The following LRP1B variants were observed in gnomAD, a reference collection of about 807,000 sequenced individuals.
LRP1B encodes low-density lipoprotein receptor-related protein 1B.
In LRP1B, 217 loss-of-function variants were observed where a neutral mutation model predicts 556.6. The ratio of observed to expected loss-of-function variants is 0.39; its 90% CI spans 0.35 to 0.44. LRP1B has a LOEUF of 0.44. Among genes scored for constraint, LRP1B ranks in the 20% least tolerant of loss-of-function variants. The pLI, the probability that LRP1B is intolerant of heterozygous loss-of-function variation, is 1.00. For synonymous variants in LRP1B, 2,047 were observed against 1,865.8 expected (o/e 1.10, Z -2.50); for missense variants, 5,053 against 5,620.8 (o/e 0.90, Z 3.23).
intron 7 of LRP1B, among the ~76,000 whole-genome samples, chr2:141,185,461 G>A (rs1248143253): frequency 1.3e-5 from 2 of 151,954 alleles, no homozygotes; most frequent in Non-Finnish European, 2.9e-5. Context: ...AGGAAATGTT[G>A]CTAAAAACTT....
intron 6 of LRP1B, among the ~76,000 whole-genome samples, chr2:141,213,290 G>T (rs969634014): frequency 1.3e-5 from 2 of 151,814 alleles, no homozygotes; most frequent in Non-Finnish European, 2.9e-5. Flanking sequence ...AAATATGAGC[G>T]ATACATACAT....
In LRP1B at chr2:140,769,269, T is replaced by C; in HGVS notation, c.5702A>G (p.Asp1901Gly). 6.2e-7 allele frequency: 1 copy of C among 1,612,382 alleles called. No individual in the cohort carries two copies. Among genetic ancestry groups the C allele is most frequent in the South Asian group, 1.1e-5 (1 of 91,036 alleles). Residue 1901 changes from aspartate to glycine, a missense_variant, in exon 35 of 91, where the codon GAT becomes GGT. Physicochemically the swap from Asp to Gly is moderately conservative, Grantham distance 94. This residue lies in a region of LRP1B where 3,619 missense variants were observed against 3,931.9 expected (regional missense o/e 0.92). Coordinates refer to ENST00000389484, the MANE Select transcript of LRP1B (RefSeq NM_018557.3). Reference protein sequence around the residue: ...GIPLEPSDKMDALMPISGTSF... With the variant: ...GIPLEPSDKMGALMPISGTSF... ...AGTTCCTGATATAGGCATCAAAGCATCCATTTTGTCACTTGGTTCAAGAGG... is the reference window on the plus strand; with the variant it reads ...AGTTCCTGATATAGGCATCAAAGCACCCATTTTGTCACTTGGTTCAAGAGG...
At chr2:140,293,399 TTG>T (rs1683474934) in intron 84 of LRP1B, among the ~76,000 whole-genome samples, 1 of 152,228 alleles carries the variant, frequency 6.6e-6, no homozygotes, top group Non-Finnish European at 1.5e-5. Context: ...TAAAGAATAC[TTG>T]ATTTTACTTT....
chr2:141,520,687 T>C (rs148020698), intron 2 of LRP1B, among the ~76,000 whole-genome samples: 34 of 152,262 alleles, frequency 2.2e-4, no homozygotes, highest in African/African-American at 7.9e-4. Flanking sequence ...AAAAGCTTTT[T>C]GCTCTCCTTG....
At chr2:141,670,230 T>C (rs1040157567) in intron 2 of LRP1B, among the ~76,000 whole-genome samples, 5 of 152,192 alleles carry the variant, frequency 3.3e-5, no homozygotes, top group Admixed American at 6.5e-5. Flanking sequence ...TTGAGGGCTT[T>C]AGTGTCTAAT....
intron 2 of LRP1B, among the ~76,000 whole-genome samples, chr2:141,630,825 A>G (rs882746): frequency 0.4 from 61,480 of 152,090 alleles, 14,829 homozygotes; most frequent in Non-Finnish European, 0.55. Flanking sequence ...AATTGTGCAT[A>G]TTGCATTATC....
intron 2 of LRP1B, among the ~76,000 whole-genome samples, chr2:141,702,540 A>G (rs186071704): frequency 6.6e-6 from 1 of 151,506 alleles, no homozygotes; most frequent in African/African-American, 2.4e-5. Flanking sequence ...GCCAGTTAAT[A>G]GACCTTTGGA....
intron 1 of LRP1B, among the ~76,000 whole-genome samples, chr2:141,838,760 A>G (rs559981856): frequency 5.9e-5 from 9 of 152,324 alleles, no homozygotes; most frequent in African/African-American, 2.2e-4. Context: ...TGTTCGCTGG[A>G]TTGAAAACTC....
rs914734017 is a variant in LRP1B at position 140,502,276 on chromosome 2, T to C, written c.8663-402A>G. On this transcript the variant is annotated intron_variant, in intron 54 of 90. Coordinates refer to ENST00000389484, the MANE Select transcript of LRP1B (RefSeq NM_018557.3). ...ACTAAGAATCTAGAATAGGTAGATA[T>C]TCCTAAATTCTTTTCTTCCTGGAAA... 1.6e-4 allele frequency among the ~76,000 whole-genome samples: 24 copies of C among 152,040 alleles called. 1 individual carries two copies. Among genetic ancestry groups the C allele is most frequent in the Admixed American group, 8.5e-4 (13 of 15,250 alleles).
chr2:141,937,664 AT>A (rs1700677314), intron 1 of LRP1B, among the ~76,000 whole-genome samples: 1 of 150,406 alleles, frequency 6.6e-6, no homozygotes, highest in African/African-American at 2.5e-5. Context: ...GTGCACCTAA[AT>A]TAAAAAAAAA....
chr2:141,216,855 G>A (rs1350344605), intron 6 of LRP1B, among the ~76,000 whole-genome samples: 1 of 151,996 alleles, frequency 6.6e-6, no homozygotes, highest in Non-Finnish European at 1.5e-5. Context: ...TCCATTATAG[G>A]TACAATGCAT....
intron 2 of LRP1B, among the ~76,000 whole-genome samples, chr2:141,546,627 C>G (rs1374490290): frequency 6.6e-6 from 1 of 152,162 alleles, no homozygotes; most frequent in East Asian, 1.9e-4. Context: ...ATATCATTTA[C>G]CAGACATATC....
At chr2:140,794,650 G>A (rs1034829698) in intron 32 of LRP1B, among the ~76,000 whole-genome samples, 6 of 149,676 alleles carry the variant, frequency 4.0e-5, no homozygotes, top group Non-Finnish European at 5.9e-5. Flanking sequence ...TTTCGCTCTT[G>A]TTGCCCAGGC....
In LRP1B at chr2:140,868,265, T is replaced by TAAAAAAAA; in HGVS notation, c.4170-10_4170-3dup. 7.7e-7 allele frequency: 1 copy of TAAAAAAAA among 1,296,092 alleles called. No homozygotes were observed. Among genetic ancestry groups the TAAAAAAAA allele is most frequent in the Non-Finnish European group, 1.0e-6 (1 of 991,628 alleles). 80.3% of individuals were successfully genotyped at this position (1,296,092 alleles called of 1,614,324 possible). A position where few individuals can be genotyped will look rare whatever the true frequency, so the allele number is the denominator to read the frequency against. ...TCCCAGTCTGTCCAGAAAAGAATTCTAAAAAAAAAAAAAAAAAAAGAAATA... is the reference window on the plus strand; with the variant it reads ...TCCCAGTCTGTCCAGAAAAGAATTCTAAAAAAAAAAAAAAAAAAAAAAAAAAAGAAATA... On this transcript the variant is annotated splice_polypyrimidine_tract_variant and splice_region_variant and intron_variant, in intron 25 of 90. Transcript: ENST00000389484.
rs142074969 is a variant in LRP1B at position 141,265,705 on chromosome 2, A to ATG, written c.344-11066_344-11065dup. ...TCAAAACAAAAAAGTAATGAGATAG[A>ATG]TGTGTGTGTGTGTGTACTCGATACA... On this transcript the variant is annotated intron_variant, in intron 3 of 90. Coordinates refer to ENST00000389484, the MANE Select transcript of LRP1B (RefSeq NM_018557.3). 3.5e-4 allele frequency among the ~76,000 whole-genome samples: 53 copies of ATG among 151,898 alleles called. No homozygotes were observed. The East Asian group carries it at 6.8e-3, about 19-fold the overall frequency.
chr2:141,367,114 G>C (rs1689068301), intron 3 of LRP1B, among the ~76,000 whole-genome samples: 2 of 152,082 alleles, frequency 1.3e-5, no homozygotes, highest in African/African-American at 4.8e-5. Context: ...CTTAGCCTTT[G>C]ATAAAATATA....
intron 55 of LRP1B, among the ~76,000 whole-genome samples, chr2:140,500,914 A>G (rs1689158673): frequency 6.6e-6 from 1 of 151,966 alleles, no homozygotes; most frequent in African/African-American, 2.4e-5. Flanking sequence ...GTTATGTCCT[A>G]TTGAAGATTC....
chr2:140,864,967 C>G (rs1692905575), intron 27 of LRP1B, among the ~76,000 whole-genome samples: 1 of 151,990 alleles, frequency 6.6e-6, no homozygotes, highest in African/African-American at 2.4e-5. Flanking sequence ...ATTAATAAAT[C>G]ATATGTTTAG....
chr2:142,121,048 T>C (rs1486392572), intron 1 of LRP1B, among the ~76,000 whole-genome samples: 1 of 152,144 alleles, frequency 6.6e-6, no homozygotes, highest in East Asian at 1.9e-4. Context: ...CCCCAAAGAT[T>C]ATCTTTTGCG....
Sources: allele counts gnomAD v4.1 joint callset (sites outside exome capture counted in the v4.1 genomes callset), GRCh38; gene constraint gnomAD v4.1.1; regional missense constraint gnomAD v4.1.1; transcripts MANE v1.5; gene names NCBI Gene and HGNC (gene_info 2026-07-23, HGNC 2026-07-21).